SLC12A4: variants seen among roughly 807,000 people sequenced by gnomAD.
The protein encoded by SLC12A4 is electroneutral potassium-chloride cotransporter 1.
A neutral mutation model predicts 119.2 loss-of-function variants in SLC12A4; 84 were observed. That is an observed-to-expected ratio of 0.70 (90% CI 0.59 to 0.85). The LOEUF (loss-of-function observed/expected upper bound fraction) is 0.85, where lower values mean the gene tolerates loss of function less well. Among genes scored for constraint, SLC12A4 ranks in the 40% least tolerant of loss-of-function variants. The pLI, the probability that SLC12A4 is intolerant of heterozygous loss-of-function variation, is 0.00. For missense variants in SLC12A4, 1,298 were observed against 1,476.3 expected (o/e 0.88, Z 1.98); for synonymous variants, 599 against 604.6 (o/e 0.99, Z 0.14).
In SLC12A4 at chr16:67,951,313, G is replaced by A; in HGVS notation, c.1133-9C>T. 1 of 1,609,312 alleles carries A rather than the reference G, an allele frequency of 6.2e-7. No homozygotes were observed. The highest frequency in any genetic ancestry group is 1.3e-5 in the African/African-American group (1 of 74,968). ...GGCGCTCCACAGGTTTTCTGCAGGGGTAGCTGTGTCACCACCACAGCTGCC... is the reference window on the plus strand; with the variant it reads ...GGCGCTCCACAGGTTTTCTGCAGGGATAGCTGTGTCACCACCACAGCTGCC... On this transcript the variant is annotated splice_polypyrimidine_tract_variant and intron_variant, in intron 8 of 23. Transcript: ENST00000316341. The surrounding 1 kb of genome is among the most constrained non-coding windows in gnomAD (Gnocchi z 5.2).
chr16:67,968,218 G>A (rs919318812), intron 1 of SLC12A4, among the ~76,000 whole-genome samples: 2 of 152,044 alleles, frequency 1.3e-5, no homozygotes, highest in South Asian at 4.1e-4. Context: ...GAGGAGCTGG[G>A]GTGGAGAAAG....
intron 3 of SLC12A4, among the ~76,000 whole-genome samples, chr16:67,959,480 T>G (rs982222377): frequency 1.3e-5 from 2 of 152,190 alleles, no homozygotes; most frequent in Admixed American, 6.5e-5. Flanking sequence ...AGTTCCTTAA[T>G]GCCCCTCCTG....
rs1215223683 is a variant in SLC12A4 at position 67,945,489 on chromosome 16, T to A, written c.2912A>T (p.Asp971Val). ...CTTGTCAGCCCCCACTGCAGACTCA[T>A]CTTCCTCGTCCGAGTACAGGCTCTC... ...RLESLYSDEE[D>V]ESAVGADKIQ... The change falls in exon 22 of 24, where the codon GAT (aspartate) becomes GTT (valine). Residue 971 changes from aspartate to valine, a missense_variant. Physicochemically the swap from Asp to Val is radical, Grantham distance 152. Transcript: ENST00000316341. 2.5e-6 allele frequency: 4 copies of A among 1,613,976 alleles called. No homozygotes were observed. The highest frequency in any genetic ancestry group is 3.4e-6 in the Non-Finnish European group (4 of 1,180,024).
chr16:67,943,872 A>C lies in SLC12A4; in HGVS notation c.*968T>G. ...TATGCAGGGCAGAAGGGCTTTGGCC[A>C]GGTCAGCTGCCAGGGGCTGGGGCCC... On this transcript the variant is annotated 3_prime_UTR_variant, in exon 24 of 24. Coordinates refer to ENST00000316341, the MANE Select transcript of SLC12A4 (RefSeq NM_005072.5). The surrounding 1 kb of genome is among the most constrained non-coding windows in gnomAD (Gnocchi z 4.6). The C allele has an allele frequency of 7.2e-7, 1 of 1,383,758 alleles. No homozygotes were observed. The highest frequency in any genetic ancestry group is 9.8e-7 in the Non-Finnish European group (1 of 1,021,600). The allele number at this position is 1,383,758 out of a possible 1,614,324, so 85.7% of individuals were successfully genotyped here. A position where few individuals can be genotyped will look rare whatever the true frequency, so the allele number is the denominator to read the frequency against.
chr16:67,957,687 A>G, intron 5 of SLC12A4, 55 bp downstream of exon 5: 1 of 1,606,220 alleles, frequency 6.2e-7, no homozygotes, highest in African/African-American at 1.3e-5. Context: ...AGGTAGGTCA[A>G]GGCAGATACT....
At chr16:67,956,997 T>A (rs2030298446) in intron 5 of SLC12A4, among the ~76,000 whole-genome samples, 2 of 151,992 alleles carry the variant, frequency 1.3e-5, no homozygotes, top group Admixed American at 6.6e-5. Flanking sequence ...TGCACTTTTT[T>A]ATTATTTATT....
rs758575039 is a variant in SLC12A4 at position 67,952,300 on chromosome 16, A to G, written c.801T>C (p.Phe267=). The change falls in exon 7 of 24, where the codon TTT becomes TTC. Residue 267 remains phenylalanine, a synonymous_variant. Transcript: ENST00000316341. ...ATTTGTTCACATACTTGACCCCCAC[A>G]AACACCACCAGGGTCATGAAGGTCA... is the stretch of plus-strand genomic sequence containing the variant. ...IFLTFMTLVV[F]VGVKYVNKFA... is the part of the protein sequence containing the mutation. 16 of 1,614,030 alleles carry G rather than the reference A, an allele frequency of 9.9e-6. No individual in the cohort carries two copies. Among genetic ancestry groups the G allele is most frequent in the Non-Finnish European group, 1.4e-5 (16 of 1,180,050 alleles).
In SLC12A4 at chr16:67,961,982, G is replaced by A. The variant is rs538693960; in HGVS notation, c.211-276C>T. 1.7e-3 allele frequency among the ~76,000 whole-genome samples: 253 copies of A among 152,328 alleles called. 2 individuals are homozygous for A. Among genetic ancestry groups the A allele is most frequent in the African/African-American group, 5.4e-3 (223 of 41,574 alleles). On this transcript the variant is annotated intron_variant, in intron 2 of 23. Transcript: ENST00000316341. Reference sequence around the variant, plus strand: ...CATTTGTGAAAACCACCTGCCTCAGGGGAGAGAGGGCAGGGAAGAACACGG... The same window carrying A: ...CATTTGTGAAAACCACCTGCCTCAGAGGAGAGAGGGCAGGGAAGAACACGG...
At position 67,950,744 on chromosome 16, in the gene SLC12A4, C is replaced by A; in HGVS notation, c.1397-33G>T. On this transcript the variant is annotated intron_variant, in intron 10 of 23. Transcript: ENST00000316341. The surrounding 1 kb of genome is among the most constrained non-coding windows in gnomAD (Gnocchi z 4.3). ...GGCGTCAAGGAAAACTCGGCCTCTGCCACCCCACTGTCCCTGAATAGTACC... is the reference window on the plus strand; with the variant it reads ...GGCGTCAAGGAAAACTCGGCCTCTGACACCCCACTGTCCCTGAATAGTACC... 6.3e-7 allele frequency: 1 copy of A among 1,586,056 alleles called. No individual in the cohort carries two copies. Among genetic ancestry groups the A allele is most frequent in the South Asian group, 1.1e-5 (1 of 87,470 alleles).
At position 67,943,742 on chromosome 16, in the gene SLC12A4, T is replaced by C. The variant is rs1245245345; in HGVS notation, c.*1098A>G. On this transcript the variant is annotated 3_prime_UTR_variant, in exon 24 of 24. Transcript: ENST00000316341. This position sits in a 1 kb window ranked among gnomAD's most constrained non-coding sequence, Gnocchi z 4.6. The stretch of plus-strand genomic sequence containing the variant: ...CGTCCCCCACTCCGCCCCCCCTGGG[T>C]TAGACAACTGAGAGTCACAGTGTGG... The C allele has an allele frequency of 1.7e-6, 1 of 584,066 alleles. No homozygotes were observed. The highest frequency in any genetic ancestry group is 3.0e-6 in the Non-Finnish European group (1 of 335,696). The allele number at this position is 584,066 out of a possible 1,614,324, so 36.2% of individuals were successfully genotyped here.
At position 67,951,390 on chromosome 16, in the gene SLC12A4, G is replaced by T; in HGVS notation, c.1133-86C>A. ...AGCCTAGCCAGAGGCGCAGATGCAGGGCAACTTTGGGGACTCAGGGAACAG... is the reference window on the plus strand; with the variant it reads ...AGCCTAGCCAGAGGCGCAGATGCAGTGCAACTTTGGGGACTCAGGGAACAG... On this transcript the variant is annotated intron_variant, in intron 8 of 23. Coordinates refer to ENST00000316341, the MANE Select transcript of SLC12A4 (RefSeq NM_005072.5). The surrounding 1 kb of genome is among the most constrained non-coding windows in gnomAD (Gnocchi z 5.2). 6.8e-7 allele frequency: 1 copy of T among 1,462,386 alleles called. No individual in the cohort carries two copies. The highest frequency in any genetic ancestry group is 2.0e-5 in the Admixed American group (1 of 50,020). The allele number at this position is 1,462,386 out of a possible 1,614,324, so 90.6% of individuals were successfully genotyped here.
chr16:67,966,884 A>G (rs1271624527), intron 1 of SLC12A4: 5 of 1,505,572 alleles, frequency 3.3e-6, no homozygotes, highest in Admixed American at 2.1e-5. Context: ...GACTCAGCCA[A>G]TGTAGCTCCA....
chr16:67,944,738 C>T lies in SLC12A4; in HGVS notation c.*102G>A. 1 of 1,502,442 alleles carries T rather than the reference C, an allele frequency of 6.7e-7. No individual in the cohort carries two copies. Among genetic ancestry groups the T allele is most frequent in the Non-Finnish European group, 8.9e-7 (1 of 1,126,504 alleles). The allele number at this position is 1,502,442 out of a possible 1,614,324, so 93.1% of individuals were successfully genotyped here. The stretch of plus-strand genomic sequence containing the variant: ...TGGGTCCAGGACAGGGCCAGGCAAG[C>T]AGGGCTGGCAGGTGGGTGCTGGGAA... On this transcript the variant is annotated 3_prime_UTR_variant, in exon 24 of 24. Coordinates refer to ENST00000316341, the MANE Select transcript of SLC12A4 (RefSeq NM_005072.5). This position sits in a 1 kb window ranked among gnomAD's most constrained non-coding sequence, Gnocchi z 6.6.
rs773980521 is a variant in SLC12A4 at position 67,961,559 on chromosome 16, G to A, written c.342+16C>T. On this transcript the variant is annotated intron_variant, in intron 3 of 23. Coordinates refer to ENST00000316341, the MANE Select transcript of SLC12A4 (RefSeq NM_005072.5). ...TCTTCCCAGGTGTGGCCCCTCTGCC[G>A]CCCCAACCAGCTCACCTCGGCTGCC... 15 of 1,610,458 alleles carry A rather than the reference G, an allele frequency of 9.3e-6. No individual in the cohort carries two copies. Among genetic ancestry groups the A allele is most frequent in the Admixed American group, 1.7e-5 (1 of 59,962 alleles).
intron 1 of SLC12A4, chr16:67,964,142 T>A: frequency 6.8e-7 from 1 of 1,470,084 alleles, no homozygotes; most frequent in Admixed American, 2.3e-5. Context: ...AGAGCGGAAG[T>A]GGATTCCAGG....
chr16:67,964,043 G>A (rs775739866), intron 1 of SLC12A4: 149 of 1,550,382 alleles, frequency 9.6e-5, no homozygotes, highest in Non-Finnish European at 1.1e-4. Context: ...AAAGGTGGCC[G>A]GCTGGCTACC....
intron 2 of SLC12A4, 72 bp downstream of exon 2, chr16:67,963,393 C>A (rs898599592): frequency 8.3e-6 from 8 of 960,968 alleles, no homozygotes; most frequent in Non-Finnish European, 1.3e-5. Context: ...AGGAGGCCCA[C>A]GTGTCCAGCC....
upstream of SLC12A4, chr16:67,968,657 C>T (rs968958687): frequency 6.2e-6 from 8 of 1,281,914 alleles, no homozygotes; most frequent in African/African-American, 3.1e-5. Context: ...GCTCGCATTC[C>T]TCCCCGCTGC....
intron 3 of SLC12A4, among the ~76,000 whole-genome samples, chr16:67,960,325 A>C (rs2030494109): frequency 1.3e-5 from 2 of 152,198 alleles, no homozygotes; most frequent in Admixed American, 6.5e-5. Flanking sequence ...GCAGTGCTGG[A>C]CAGACATGGC....
Sources: allele counts gnomAD v4.1 joint callset (sites outside exome capture counted in the v4.1 genomes callset), GRCh38; gene constraint gnomAD v4.1.1; non-coding constraint Gnocchi (gnomAD v3.1); transcripts MANE v1.5; gene names NCBI Gene and HGNC (gene_info 2026-07-23, HGNC 2026-07-21).